The following KIF3A variants were observed in gnomAD, a reference collection of about 807,000 sequenced individuals.
KIF3A encodes the protein kinesin family member 3A.
Under a neutral mutation model 92.6 loss-of-function variants are expected in KIF3A, and 27 were observed. That is an observed-to-expected ratio of 0.29 (90% CI 0.21 to 0.40). KIF3A has a LOEUF of 0.40. Among genes scored for constraint, KIF3A ranks in the 10% least tolerant of loss-of-function variants. KIF3A has a pLI of 1.00. For synonymous variants in KIF3A, 250 were observed against 275.4 expected (o/e 0.91, Z 0.92); for missense variants, 581 against 872.6 (o/e 0.67, Z 4.21).
rs962482554 is a variant in KIF3A at position 132,729,225 on chromosome 5, T to G, written c.281-2727A>C. Among the ~76,000 whole-genome samples the G allele has an allele frequency of 3.9e-5, 6 of 152,100 alleles. No homozygotes were observed. The East Asian group carries it at 5.8e-4, about 15-fold the overall frequency. On this transcript the variant is annotated intron_variant, in intron 2 of 18. Coordinates refer to ENST00000403231, the MANE Select transcript of KIF3A (RefSeq NM_001300791.2). Reference sequence around the variant, plus strand: ...GCACCAAAATCTCAGAAATCACCACTGAAGAACTTATTCATGTAACTAAAC... The same window carrying G: ...GCACCAAAATCTCAGAAATCACCACGGAAGAACTTATTCATGTAACTAAAC...
In KIF3A at chr5:132,696,386, T is replaced by C. The variant is rs1752837924; in HGVS notation, c.*248A>G. The stretch of plus-strand genomic sequence containing the variant: ...CTATAGTATGAACTGTTCCCCCAAC[T>C]TCCCTGCACAGTACAATTGAAGAGT... On this transcript the variant is annotated 3_prime_UTR_variant, in exon 19 of 19. Transcript: ENST00000403231. 2.9e-6 allele frequency: 1 copy of C among 347,544 alleles called. No individual in the cohort carries two copies. Among genetic ancestry groups the C allele is most frequent in the African/African-American group, 2.1e-5 (1 of 47,700 alleles). 21.5% of individuals were successfully genotyped at this position (347,544 alleles called of 1,614,324 possible). A position where few individuals can be genotyped will look rare whatever the true frequency, so the allele number is the denominator to read the frequency against.
intron 5 of KIF3A, among the ~76,000 whole-genome samples, chr5:132,717,997 TG>T (rs376497129): frequency 3.3e-5 from 5 of 152,304 alleles, no homozygotes; most frequent in Admixed American, 1.3e-4. Context: ...TTCTGGTATT[TG>T]TTTTTTTAAT....
At chr5:132,697,031 G>T (rs942531159) in intron 18 of KIF3A, among the ~76,000 whole-genome samples, 1 of 152,168 alleles carries the variant, frequency 6.6e-6, no homozygotes, top group African/African-American at 2.4e-5. Flanking sequence ...TACTCAAAAG[G>T]TGCAAGTGGA....
At position 132,724,812 on chromosome 5, in the gene KIF3A, TATATATATA is replaced by T. The variant is rs1235748231; in HGVS notation, c.510+1307_510+1315del. Among the ~76,000 whole-genome samples the T allele has an allele frequency of 1.4e-3, 17 of 12,450 alleles. 1 individual carries two copies. Among genetic ancestry groups the T allele is most frequent in the South Asian group, 6.6e-3 (3 of 458 alleles). 8.2% of individuals were successfully genotyped at this position (12,450 alleles called of 152,430 possible). On this transcript the variant is annotated intron_variant, in intron 4 of 18. Coordinates refer to ENST00000403231, the MANE Select transcript of KIF3A (RefSeq NM_001300791.2). ...TATAATAAAAAAAAAAAAAAATATA[TATATATATA>T]TATATATATATATATATATATATAT...
In KIF3A at chr5:132,703,553, G is replaced by A. The variant is rs2149895941; in HGVS notation, c.1376C>T (p.Ala459Val). 2 of 1,611,936 alleles carry A rather than the reference G, an allele frequency of 1.2e-6. 1 individual carries two copies. The highest frequency in any genetic ancestry group is 3.3e-4 in the Middle Eastern group (2 of 6,050). The part of the protein sequence containing the change: ...MQAKIDEERK[A>V]LETKLDMEEE... ...TTCCATGTCGAGCTTTGTTTCAAGT[G>A]CTTTTCTCTCCTCATCAATTTTTGC... The change falls in exon 12 of 19, where the codon GCA (alanine) becomes GTA (valine). Residue 459 changes from alanine (A) to valine (V), a missense_variant. Transcript: ENST00000403231.
Position 132,694,883 on chromosome 5 carries a change from C to T in KIF3A, c.*1751G>A, listed in dbSNP as rs1218319669. On this transcript the variant is annotated 3_prime_UTR_variant, in exon 19 of 19. Coordinates refer to ENST00000403231, the MANE Select transcript of KIF3A (RefSeq NM_001300791.2). ...ATTCTAATCACCTAGAAAATGTTCA[C>T]CACACACAGGACATTCAGTATTCCA... The T allele has an allele frequency of 3.3e-5, 5 of 152,254 alleles. No homozygotes were observed. The highest frequency in any genetic ancestry group is 3.3e-4 in the Admixed American group (5 of 15,270). 9.4% of individuals were successfully genotyped at this position (152,254 alleles called of 1,614,324 possible). A position where few individuals can be genotyped will look rare whatever the true frequency, so the allele number is the denominator to read the frequency against.
intron 2 of KIF3A, 149 bp downstream of exon 2, chr5:132,734,056 A>G (rs1754315961): frequency 1.5e-6 from 1 of 654,994 alleles, no homozygotes; most frequent in Non-Finnish European, 2.5e-6. Flanking sequence ...GAGGATGACA[A>G]GGGTGTTCTA....
At chr5:132,704,926 T>C (rs201035252) in intron 11 of KIF3A, among the ~76,000 whole-genome samples, 7 of 152,054 alleles carry the variant, frequency 4.6e-5, no homozygotes, top group Non-Finnish European at 5.9e-5. Context: ...GACAAAATTA[T>C]GTAAAAAACT....
chr5:132,714,344 C>G (rs752388512), intron 8 of KIF3A, among the ~76,000 whole-genome samples: 1 of 152,056 alleles, frequency 6.6e-6, no homozygotes, highest in African/African-American at 2.4e-5. Flanking sequence ...AAACTGAAGA[C>G]GGATAACTGC....
rs1044655738 is a variant in KIF3A, at chr5:132,693,321, T to G, written c.*3313A>C. 6.6e-6 allele frequency: 1 copy of G among 152,380 alleles called. No homozygotes were observed. Among genetic ancestry groups the G allele is most frequent in the African/African-American group, 2.4e-5 (1 of 41,438 alleles). The allele number at this position is 152,380 out of a possible 1,614,324, so 9.4% of individuals were successfully genotyped here. ...ATCTAAACACAAATAGGAAACACGA[T>G]GATAATTTTAACATCCTATTAGTAT... On this transcript the variant is annotated 3_prime_UTR_variant, in exon 19 of 19. Transcript: ENST00000403231.
At chr5:132,722,747 C>G (rs1253805657) in intron 4 of KIF3A, among the ~76,000 whole-genome samples, 3 of 152,194 alleles carry the variant, frequency 2.0e-5, no homozygotes, top group Admixed American at 2.0e-4. Context: ...TCGCTCCAAA[C>G]TCTACCAAGA....
At position 132,693,182 on chromosome 5, in the gene KIF3A, AC is replaced by A. The variant is rs1303816337; in HGVS notation, c.*3451del. 3.3e-5 allele frequency: 5 copies of A among 151,778 alleles called. No individual in the cohort carries two copies. Among genetic ancestry groups the A allele is most frequent in the African/African-American group, 7.3e-5 (3 of 41,252 alleles). The allele number at this position is 151,778 out of a possible 1,614,324, so 9.4% of individuals were successfully genotyped here. On this transcript the variant is annotated 3_prime_UTR_variant, in exon 19 of 19. Transcript: ENST00000403231. ...TTTTTGCTGTAAAAAGAAAAAAAAA[AC>A]AACTCCCTTTCTCCAGAAAGGAAAT...
chr5:132,711,075 T>A lies in KIF3A; in HGVS notation c.1130-18A>T, dbSNP rs764464649. The A allele has an allele frequency of 6.2e-7, 1 of 1,606,576 alleles. No individual in the cohort carries two copies. Among genetic ancestry groups the A allele is most frequent in the Admixed American group, 1.7e-5 (1 of 59,984 alleles). Reference sequence around the variant, plus strand: ...TTCTTCTCCTTGGACAGAAATTTAATACAATGTTTTTTATCCTGTACGAAG... The same window carrying A: ...TTCTTCTCCTTGGACAGAAATTTAAAACAATGTTTTTTATCCTGTACGAAG... On this transcript the variant is annotated intron_variant, in intron 8 of 18. Transcript: ENST00000403231.
chr5:132,702,070 G>C lies in KIF3A; in HGVS notation c.1884+17C>G, dbSNP rs1304247753. The C allele has an allele frequency of 2.5e-6, 4 of 1,601,860 alleles. No homozygotes were observed. The highest frequency in any genetic ancestry group is 3.3e-4 in the Middle Eastern group (2 of 6,040). ...CCCAGTCAAGCGACTATCTCGGTCA[G>C]AGAACTTCCTTTTTACCTGATAATC... On this transcript the variant is annotated intron_variant, in intron 15 of 18. Coordinates refer to ENST00000403231, the MANE Select transcript of KIF3A (RefSeq NM_001300791.2).
intron 17 of KIF3A, among the ~76,000 whole-genome samples, chr5:132,699,981 G>A (rs1477412952): frequency 6.6e-6 from 1 of 152,142 alleles, no homozygotes; most frequent in Non-Finnish European, 1.5e-5. Context: ...ACTCCAAAGA[G>A]TGAGTCCATG....
intron 4 of KIF3A, among the ~76,000 whole-genome samples, chr5:132,725,679 A>G (rs1336332404): frequency 6.6e-6 from 1 of 152,166 alleles, no homozygotes; most frequent in Non-Finnish European, 1.5e-5. Context: ...ACTACTACCA[A>G]CAACCATCAA....
Position 132,724,814 on chromosome 5 carries a change from TATATATA to T in KIF3A, c.510+1307_510+1313del, listed in dbSNP as rs1753972803. ...TAATAAAAAAAAAAAAAAATATATA[TATATATA>T]TATATATATATATATATATATATAT... On this transcript the variant is annotated intron_variant, in intron 4 of 18. Transcript: ENST00000403231. 5.0e-3 allele frequency among the ~76,000 whole-genome samples: 69 copies of T among 13,724 alleles called. 2 individuals carry two copies. In the South Asian group the frequency reaches 0.07, roughly 14 times the overall value. 9.0% of individuals were successfully genotyped at this position (13,724 alleles called of 152,430 possible). A position where few individuals can be genotyped will look rare whatever the true frequency, so the allele number is the denominator to read the frequency against.
chr5:132,737,539 G>T lies in KIF3A; in HGVS notation c.-120C>A. The T allele has an allele frequency of 1.7e-6, 2 of 1,200,884 alleles. No individual in the cohort carries two copies. The highest frequency in any genetic ancestry group is 2.3e-6 in the Non-Finnish European group (2 of 871,492). The allele number at this position is 1,200,884 out of a possible 1,614,324, so 74.4% of individuals were successfully genotyped here. A position where few individuals can be genotyped will look rare whatever the true frequency, so the allele number is the denominator to read the frequency against. ...ACCTCGTTGACGCTCTCGAGACTGCGGCTTCTCGGGCGAGAGCGCCCAGTG... is the reference window on the plus strand; with the variant it reads ...ACCTCGTTGACGCTCTCGAGACTGCTGCTTCTCGGGCGAGAGCGCCCAGTG... On this transcript the variant is annotated 5_prime_UTR_variant, in exon 1 of 19. Coordinates refer to ENST00000403231, the MANE Select transcript of KIF3A (RefSeq NM_001300791.2).
intron 2 of KIF3A, among the ~76,000 whole-genome samples, chr5:132,729,461 AAAAC>A (rs1171033022): frequency 1.3e-5 from 1 of 75,656 alleles, no homozygotes; most frequent in Non-Finnish European, 2.1e-5. Context: ...TGAAAAAAAC[AAAAC>A]AAACAGAAAA....
Sources: allele counts gnomAD v4.1 joint callset (sites outside exome capture counted in the v4.1 genomes callset), GRCh38; gene constraint gnomAD v4.1.1; transcripts MANE v1.5; gene names NCBI Gene and HGNC (gene_info 2026-07-23, HGNC 2026-07-21).